MYO1D: variants seen among roughly 807,000 people sequenced by gnomAD.
MYO1D encodes unconventional myosin-Id.
In MYO1D, 83 loss-of-function variants were observed where a neutral mutation model predicts 122.0. The observed-to-expected ratio is 0.68, with a 90% confidence interval of 0.57 to 0.82. The LOEUF is 0.82. Among genes scored for constraint, MYO1D ranks in the 40% least tolerant of loss-of-function variants. The pLI, the probability that MYO1D is intolerant of heterozygous loss-of-function variation, is 0.00. For synonymous variants in MYO1D, 464 were observed against 446.9 expected (o/e 1.04, Z -0.48); for missense variants, 1,157 against 1,269.5 (o/e 0.91, Z 1.35).
chr17:32,636,127 A>G (rs2088095940), intron 20 of MYO1D, among the ~76,000 whole-genome samples: 1 of 152,122 alleles, frequency 6.6e-6, no homozygotes, highest in East Asian at 1.9e-4. Context: ...CTCTCGACTC[A>G]TAATTTCAGC....
intron 20 of MYO1D, among the ~76,000 whole-genome samples, chr17:32,626,924 G>A (rs2087935325): frequency 1.3e-5 from 2 of 152,142 alleles, no homozygotes; most frequent in Admixed American, 1.3e-4. Flanking sequence ...GGCGGGGAAA[G>A]AATGTTTCAT....
chr17:32,876,949 G>A lies in MYO1D; in HGVS notation c.-77C>T. The A allele has an allele frequency of 2.3e-6, 2 of 876,484 alleles. No individual in the cohort carries two copies. The highest frequency in any genetic ancestry group is 1.5e-6 in the Non-Finnish European group (1 of 660,444). The allele number at this position is 876,484 out of a possible 1,614,324, so 54.3% of individuals were successfully genotyped here. A position where few individuals can be genotyped will look rare whatever the true frequency, so the allele number is the denominator to read the frequency against. On this transcript the variant is annotated 5_prime_UTR_variant, in exon 1 of 22. Transcript: ENST00000318217. ...CGTGGGCCCGCGATGAGCTCGGGAG[G>A]GGCCGGGGCGAGGCCGCGCCGCGAG...
At chr17:32,622,814 G>A (rs10512438) in intron 20 of MYO1D, among the ~76,000 whole-genome samples, 3,393 of 152,216 alleles carry the variant, frequency 0.022, 103 homozygotes, top group African/African-American at 0.064. Flanking sequence ...GACTTTCCAC[G>A]CATTATTTCA....
intron 1 of MYO1D, among the ~76,000 whole-genome samples, chr17:32,788,235 A>AT (rs559027589): frequency 2.1e-4 from 32 of 151,652 alleles, no homozygotes; most frequent in East Asian, 9.7e-4. Context: ...AATATCTGTT[A>AT]TTTTTTTATT....
chr17:32,817,820 AATGGAGACTTTAAGAGGT>A (rs894954586), intron 1 of MYO1D, among the ~76,000 whole-genome samples: 2 of 152,164 alleles, frequency 1.3e-5, no homozygotes, highest in Non-Finnish European at 2.9e-5. Flanking sequence ...CAGATAAAGA[AATGGAGACTTTAAGAGGT>A]AGTAGGGGCC....
chr17:32,627,878 A>C (rs547474248), intron 20 of MYO1D: 1 of 152,280 alleles, frequency 6.6e-6, no homozygotes, highest in East Asian at 1.9e-4. Context: ...ATTAAACTCA[A>C]TCTTGGCAAC....
At chr17:32,813,886 G>T (rs1296849459) in intron 1 of MYO1D, among the ~76,000 whole-genome samples, 1 of 152,202 alleles carries the variant, frequency 6.6e-6, no homozygotes, top group Non-Finnish European at 1.5e-5. Flanking sequence ...TTGATCAGAT[G>T]GGAGTGGAGA....
rs2089939296 is a variant in MYO1D at position 32,755,589 on chromosome 17, T to A, written c.1370A>T (p.Asp457Val). ...TTTGCCGACATTCATGCAAGCATCA[T>A]CAAGGATTGCAATGATCCCTTTGTG... ...QQHKGIIAILDDACMNVGKVT... is the reference protein window; with the variant it reads ...QQHKGIIAILVDACMNVGKVT... The change falls in exon 11 of 22, where the codon GAT (aspartate) becomes GTT (valine). Residue 457 changes from aspartate to valine, a missense_variant. Transcript: ENST00000318217. The A allele has an allele frequency of 1.2e-6, 2 of 1,613,716 alleles. No homozygotes were observed. Among genetic ancestry groups the A allele is most frequent in the Non-Finnish European group, 1.7e-6 (2 of 1,179,672 alleles).
chr17:32,758,804 G>T (rs2089972741), intron 10 of MYO1D, among the ~76,000 whole-genome samples: 1 of 152,178 alleles, frequency 6.6e-6, no homozygotes. Context: ...CATGTAGTAA[G>T]TAACTGTTAC....
chr17:32,519,631 T>A (rs1329809140), intron 21 of MYO1D, among the ~76,000 whole-genome samples: 2 of 151,672 alleles, frequency 1.3e-5, no homozygotes, highest in South Asian at 4.2e-4. Context: ...CGGCCGCGCT[T>A]CTCCGCCTCG....
At chr17:32,800,626 A>G (rs191644312) in intron 1 of MYO1D, among the ~76,000 whole-genome samples, 203 of 152,356 alleles carry the variant, frequency 1.3e-3, no homozygotes, top group Admixed American at 2.7e-3. Flanking sequence ...AAAAAGTCAC[A>G]GCAGGGTGAC....
intron 16 of MYO1D, among the ~76,000 whole-genome samples, chr17:32,673,151 C>T (rs1222387834): frequency 9.9e-6 from 1 of 100,738 alleles, no homozygotes; most frequent in Non-Finnish European, 1.8e-5. Flanking sequence ...GCTCTGTTGC[C>T]CAGGCTGGAG....
At position 32,819,920 on chromosome 17, in the gene MYO1D, C is replaced by T. The variant is rs188556383; in HGVS notation, c.96-39136G>A. 3.2e-4 allele frequency among the ~76,000 whole-genome samples: 48 copies of T among 152,334 alleles called. 1 individual carries two copies. Among genetic ancestry groups the T allele is most frequent in the Middle Eastern group, 6.8e-3 (2 of 294 alleles). ...TAAGTCGGAATTTCAATCTAGACAA[C>T]ATGCATAGTACTTAAAACTGACTGA... is the stretch of plus-strand genomic sequence containing the variant. On this transcript the variant is annotated intron_variant, in intron 1 of 21. Transcript: ENST00000318217.
intron 19 of MYO1D, among the ~76,000 whole-genome samples, chr17:32,646,153 G>C (rs182893221): frequency 6.6e-6 from 1 of 152,232 alleles, no homozygotes; most frequent in South Asian, 2.1e-4. Context: ...TAAAGGCTGT[G>C]AGAATTCTGC....
chr17:32,644,356 AGT>A (rs1474746713), intron 19 of MYO1D, among the ~76,000 whole-genome samples: 26 of 152,166 alleles, frequency 1.7e-4, no homozygotes, highest in Non-Finnish European at 2.8e-4. Context: ...TTTTGGAATA[AGT>A]GCGGCGTGGT....
At chr17:32,698,042 G>A (rs961318698) in intron 16 of MYO1D, among the ~76,000 whole-genome samples, 2 of 152,190 alleles carry the variant, frequency 1.3e-5, no homozygotes, top group African/African-American at 2.4e-5. Context: ...GGTGTTTACC[G>A]TGTGTGACCT....
chr17:32,581,044 A>G lies in MYO1D; in HGVS notation c.2864+24043T>C, dbSNP rs559975645. On this transcript the variant is annotated intron_variant, in intron 21 of 21. Coordinates refer to ENST00000318217, the MANE Select transcript of MYO1D (RefSeq NM_015194.3). ...AACTGGTGATATTTCTTAAATCTAT[A>G]GTAGAACTCCCCAGTAAAGGCATCT... Among the ~76,000 whole-genome samples the G allele has an allele frequency of 4.6e-5, 7 of 152,266 alleles. No individual in the cohort carries two copies. In the South Asian group the frequency reaches 1.5e-3, roughly 32 times the overall value.
chr17:32,675,207 A>G (rs991385801), intron 16 of MYO1D, among the ~76,000 whole-genome samples: 2 of 152,246 alleles, frequency 1.3e-5, no homozygotes, highest in Admixed American at 1.3e-4. Flanking sequence ...AGAAATGATC[A>G]CAGTAATGAG....
chr17:32,605,632 C>A (rs2087618073), intron 20 of MYO1D, among the ~76,000 whole-genome samples: 2 of 151,884 alleles, frequency 1.3e-5, no homozygotes, highest in Admixed American at 1.3e-4. Flanking sequence ...AATTGATAAA[C>A]CTCTAGCCCA....
Sources: gnomAD v4.1 joint callset for allele counts (sites outside exome capture counted in the v4.1 genomes callset) on GRCh38, gnomAD v4.1.1 for gene constraint, MANE v1.5 for transcripts, NCBI Gene and HGNC (gene_info 2026-07-23, HGNC 2026-07-21) for gene names.